WDR49: variants seen among roughly 807,000 people sequenced by gnomAD.
WDR49 encodes the protein WD repeat domain 49.
In WDR49, 107 loss-of-function variants were observed where a neutral mutation model predicts 119.5. The observed-to-expected ratio is 0.90, with a 90% CI of 0.77 to 1.05. The LOEUF (loss-of-function observed/expected upper bound fraction) is 1.05. Ranked by LOEUF, WDR49 falls within the 50% of genes least tolerant of loss-of-function variation. The pLI is 0.00. For missense variants in WDR49, 1,240 were observed against 1,220.5 expected, an observed-to-expected ratio of 1.02 and a Z score of -0.24; for synonymous variants, 425 against 418.8, an observed-to-expected ratio of 1.01 and a Z score of -0.18.
intron 8 of WDR49, among the ~76,000 whole-genome samples, chr3:167,563,396 G>C (rs182062071): frequency 4.8e-5 from 7 of 144,904 alleles, no homozygotes; most frequent in Admixed American, 2.8e-4. Flanking sequence ...CCTGATTTTA[G>C]ATGCACATTG....
At chr3:167,513,618 C>T (rs755487265) in intron 16 of WDR49, among the ~76,000 whole-genome samples, 3 of 152,124 alleles carry the variant, frequency 2.0e-5, no homozygotes, top group Non-Finnish European at 4.4e-5. Flanking sequence ...CAATATCAAC[C>T]TTAAATATAA....
intron 8 of WDR49, among the ~76,000 whole-genome samples, chr3:167,563,108 T>A (rs997020252): frequency 2.6e-5 from 4 of 152,116 alleles, no homozygotes; most frequent in Non-Finnish European, 5.9e-5. Context: ...GGCTCACGCC[T>A]GTAATTGCAG....
At chr3:167,481,241 A>C (rs1047942146) in intron 18 of WDR49, among the ~76,000 whole-genome samples, 7 of 152,194 alleles carry the variant, frequency 4.6e-5, no homozygotes, top group African/African-American at 1.4e-4. Context: ...GCCATTGCAC[A>C]AACATTGTTA....
chr3:167,653,592 A>G, intron 1 of WDR49, 93 bp from the exon 2 acceptor site: 2 of 748,880 alleles, frequency 2.7e-6, no homozygotes, highest in East Asian at 3.0e-5. Context: ...GTTCAAGCTG[A>G]GGTAGGAAAT....
In WDR49 at chr3:167,560,140, T is replaced by C. The variant is rs1389351372; in HGVS notation, c.1598A>G (p.Asn533Ser). ...KIKQFTGCHG[N>S]AEISTMALDA... Reference sequence around the variant, plus strand: ...AAGGGCCATAGTGCTGATTTCTGCGTTGCCGTGGCAACCAGTAAACTGTTT... The same window carrying C: ...AAGGGCCATAGTGCTGATTTCTGCGCTGCCGTGGCAACCAGTAAACTGTTT... Residue 533 changes from asparagine (N) to serine (S), a missense_variant, in exon 9 of 19, where the codon AAC becomes AGC. Coordinates refer to ENST00000682715, the MANE Select transcript of WDR49 (RefSeq NM_001366157.1). 7 of 1,614,094 alleles carry C rather than the reference T, an allele frequency of 4.3e-6. No homozygotes were observed. Among genetic ancestry groups the C allele is most frequent in the Non-Finnish European group, 5.9e-6 (7 of 1,180,040 alleles).
At chr3:167,538,177 C>A (rs1470730211) in intron 10 of WDR49, among the ~76,000 whole-genome samples, 1 of 152,078 alleles carries the variant, frequency 6.6e-6, no homozygotes, top group African/African-American at 2.4e-5. Context: ...CTCTTAAATT[C>A]TCTTCATTCA....
chr3:167,561,410 G>A (rs1190396951), intron 8 of WDR49, among the ~76,000 whole-genome samples: 1 of 152,004 alleles, frequency 6.6e-6, no homozygotes, highest in East Asian at 1.9e-4. Context: ...AATTGGCCAA[G>A]GAAATGGATC....
At chr3:167,533,444 AAAATGTTAATT>A (rs1166534128) in intron 11 of WDR49, among the ~76,000 whole-genome samples, 3 of 152,138 alleles carry the variant, frequency 2.0e-5, no homozygotes, top group Non-Finnish European at 4.4e-5. Flanking sequence ...AGTACTGGAA[AAAATGTTAATT>A]ACCATCCTAC....
At chr3:167,625,455 AT>A (rs1332428214) in intron 3 of WDR49, among the ~76,000 whole-genome samples, 2 of 152,104 alleles carry the variant, frequency 1.3e-5, no homozygotes, top group Non-Finnish European at 2.9e-5. Flanking sequence ...CCAGCTCATT[AT>A]TTTGAAAACT....
At chr3:167,636,211 G>A (rs1315408956) in intron 2 of WDR49, among the ~76,000 whole-genome samples, 1 of 151,446 alleles carries the variant, frequency 6.6e-6, no homozygotes, top group East Asian at 1.9e-4. Context: ...TGAGAAATAC[G>A]ATGTTTGGTT....
intron 17 of WDR49, 91 bp from the exon 18 acceptor site, chr3:167,500,390 A>C (rs1321105238): frequency 6.7e-7 from 1 of 1,487,160 alleles, no homozygotes; most frequent in Non-Finnish European, 9.0e-7. Context: ...TTCCAAGTTA[A>C]CTTTTATAAA....
At chr3:167,624,813 T>A (rs1717054114) in intron 3 of WDR49, among the ~76,000 whole-genome samples, 1 of 152,102 alleles carries the variant, frequency 6.6e-6, no homozygotes, top group African/African-American at 2.4e-5. Flanking sequence ...TAGAACTATC[T>A]TTTAATTCAT....
chr3:167,537,080 G>A, intron 10 of WDR49, 80 bp from the exon 11 acceptor site: 12 of 1,346,248 alleles, frequency 8.9e-6, no homozygotes, highest in Non-Finnish European at 1.2e-5. Flanking sequence ...CTTGAATGAT[G>A]TGATCCAAGA....
chr3:167,554,814 TA>T lies in WDR49; in HGVS notation c.1675-17del, dbSNP rs753459751. 1.8e-5 allele frequency: 29 copies of T among 1,574,312 alleles called. No individual in the cohort carries two copies. Among genetic ancestry groups the T allele is most frequent in the Non-Finnish European group, 1.9e-5 (22 of 1,156,208 alleles). ...AGTCCCATATCTTTAAGAGAAAAAT[TA>T]AAACCACTTTGAGACAGGAAGGTAA... On this transcript the variant is annotated splice_polypyrimidine_tract_variant and intron_variant, in intron 9 of 18. Coordinates refer to ENST00000682715, the MANE Select transcript of WDR49 (RefSeq NM_001366157.1).
chr3:167,643,562 G>C lies in WDR49; in HGVS notation c.165+9699C>G, dbSNP rs983496512. 3.3e-5 allele frequency among the ~76,000 whole-genome samples: 5 copies of C among 152,152 alleles called. No homozygotes were observed. In the Middle Eastern group the frequency reaches 0.014, roughly 414 times the overall value. On this transcript the variant is annotated intron_variant, in intron 2 of 18. Coordinates refer to ENST00000682715, the MANE Select transcript of WDR49 (RefSeq NM_001366157.1). ...ATAAAAGACATTACTGGGACGAAAG[G>C]GGACATTTTAATATCAACCTTTTCA...
In WDR49 at chr3:167,639,111, G is replaced by C. The variant is rs569930281; in HGVS notation, c.166-11819C>G. ...GCTTTTGTGCCTAGGCTAGAAACTTGGGGGAATAAGCCTGACCAGTGAAAT... is the reference window on the plus strand; with the variant it reads ...GCTTTTGTGCCTAGGCTAGAAACTTCGGGGAATAAGCCTGACCAGTGAAAT... On this transcript the variant is annotated intron_variant, in intron 2 of 18. Coordinates refer to ENST00000682715, the MANE Select transcript of WDR49 (RefSeq NM_001366157.1). Among the ~76,000 whole-genome samples the C allele has an allele frequency of 1.1e-4, 16 of 151,820 alleles. No homozygotes were observed. In the South Asian group the frequency reaches 3.3e-3, roughly 31 times the overall value.
chr3:167,554,756 C>T lies in WDR49; in HGVS notation c.1717G>A (p.Gly573Arg), dbSNP rs1349948027. 6.2e-7 allele frequency: 1 copy of T among 1,613,118 alleles called. No homozygotes were observed. Residue 573 changes from glycine to arginine, a missense_variant, in exon 10 of 19, where the codon GGG becomes AGG. Transcript: ENST00000682715. ...NGYCHHTLNV[G>R]QDGAVDISQI... ...GAAATATCCACAGCTCCATCTTGCC[C>T]AACATTTAGTGTATGGTGACAATAT...
At chr3:167,525,332 T>C (rs1414102498) in intron 15 of WDR49, among the ~76,000 whole-genome samples, 8 of 152,156 alleles carry the variant, frequency 5.3e-5, no homozygotes, top group Admixed American at 5.2e-4. Flanking sequence ...TTTCTAAATA[T>C]ACAATCACGT....
rs757347364 is a variant in WDR49, at chr3:167,532,960, T to A, written c.1972A>T (p.Ile658Phe). 2.5e-6 allele frequency: 4 copies of A among 1,605,958 alleles called. No individual in the cohort carries two copies. Among genetic ancestry groups the A allele is most frequent in the Admixed American group, 3.4e-5 (2 of 59,676 alleles). Reference protein sequence around the residue: ...TLVTGSYDGEIVLWNNSTENA... With the variant: ...TLVTGSYDGEFVLWNNSTENA... ...TCTGTGCTATTGTTCCATAGAACAATTTCTCCATCATAACTCCCTACACAA... is the reference window on the plus strand; with the variant it reads ...TCTGTGCTATTGTTCCATAGAACAAATTCTCCATCATAACTCCCTACACAA... The change falls in exon 12 of 19, where the codon ATT (isoleucine) becomes TTT (phenylalanine). Residue 658 changes from isoleucine to phenylalanine, a missense_variant. Physicochemically the swap from Ile to Phe is conservative, Grantham distance 21. Coordinates refer to ENST00000682715, the MANE Select transcript of WDR49 (RefSeq NM_001366157.1).
Sources: allele counts gnomAD v4.1 joint callset (sites outside exome capture counted in the v4.1 genomes callset), GRCh38; gene constraint gnomAD v4.1.1; transcripts MANE v1.5; gene names NCBI Gene and HGNC (gene_info 2026-07-23, HGNC 2026-07-21).